CERS3: variants seen among roughly 807,000 people sequenced by gnomAD.
CERS3 encodes the protein LAG1 homolog, ceramide synthase 3.
Under a neutral mutation model 50.3 loss-of-function variants are expected in CERS3, and 33 were observed. The ratio of observed to expected loss-of-function variants is 0.66; its 90% CI spans 0.50 to 0.88. The LOEUF is 0.88. Ranked by LOEUF, CERS3 falls within the 40% of genes least tolerant of loss-of-function variation. CERS3 has a pLI of 0.00. For missense variants in CERS3, 470 were observed against 460.3 expected, an observed-to-expected ratio of 1.02 and a Z score of -0.19; for synonymous variants, 176 against 155.2, an observed-to-expected ratio of 1.13 and a Z score of -0.99.
intron 5 of CERS3, among the ~76,000 whole-genome samples, chr15:100,483,787 A>ATTATTATTATTATTTTTTTT (rs760594142): frequency 2.0e-5 from 2 of 100,040 alleles, no homozygotes; most frequent in Non-Finnish European, 3.8e-5. Flanking sequence ...TATTATTATT[A>ATTATTATTATTATTTTTTTT]TTTTTTTTTT....
intron 11 of CERS3, among the ~76,000 whole-genome samples, chr15:100,416,616 C>G (rs1011170922): frequency 6.6e-6 from 1 of 152,142 alleles, no homozygotes; most frequent in East Asian, 1.9e-4. Context: ...CTTCACATGG[C>G]AGCAGGAGAG....
rs1009193170 is a variant in CERS3, at chr15:100,503,831, C to T, written c.-1-1981G>A. 34 of 452,386 alleles carry T rather than the reference C, an allele frequency of 7.5e-5. No homozygotes were observed. In the Middle Eastern group the frequency reaches 1.5e-3, roughly 20 times the overall value. The allele number at this position is 452,386 out of a possible 1,614,324, so 28.0% of individuals were successfully genotyped here. On this transcript the variant is annotated intron_variant, in intron 2 of 11. Transcript: ENST00000679737. The stretch of plus-strand genomic sequence containing the variant: ...AAGGTTTGGCCAGAGCAGTGGGGAC[C>T]AGAGGGAATAACGCCATCTGTGGGA...
At chr15:100,446,364 G>GTT (rs11449303) in intron 11 of CERS3, among the ~76,000 whole-genome samples, 1,423 of 128,512 alleles carry the variant, frequency 0.011, 30 homozygotes, top group Middle Eastern at 0.016. Flanking sequence ...AACTTCTCAG[G>GTT]TTTTTTTTTT....
rs142006037 is a variant in CERS3 at position 100,415,986 on chromosome 15, G to A, written c.1000-13121C>T. On this transcript the variant is annotated intron_variant, in intron 11 of 11. Coordinates refer to ENST00000679737, the MANE Select transcript of CERS3 (RefSeq NM_001378789.1). ...AAAACACCACTGGAAAAAAATCACA[G>A]ATGACAAAAACAAATGGAAAAATGT... Among the ~76,000 whole-genome samples, 3 of 152,012 alleles carry A rather than the reference G, an allele frequency of 2.0e-5. No homozygotes were observed. The East Asian group carries it at 5.8e-4, about 29-fold the overall frequency.
At chr15:100,445,377 G>A (rs914661937) in intron 11 of CERS3, among the ~76,000 whole-genome samples, 4 of 151,520 alleles carry the variant, frequency 2.6e-5, no homozygotes, top group Admixed American at 6.6e-5. Flanking sequence ...TCCCCAAACC[G>A]CCACTCTTAA....
chr15:100,460,667 A>C (rs1360929054), intron 10 of CERS3, among the ~76,000 whole-genome samples: 1 of 152,162 alleles, frequency 6.6e-6, no homozygotes, highest in East Asian at 1.9e-4. Context: ...ACTAGCAGGC[A>C]AGCTTTCCAA....
At chr15:100,407,999 G>A (rs1456427804) in intron 11 of CERS3, among the ~76,000 whole-genome samples, 1 of 152,162 alleles carries the variant, frequency 6.6e-6, no homozygotes, top group African/African-American at 2.4e-5. Context: ...AGCCCCCTGA[G>A]TAGCTGGGAT....
chr15:100,479,433 T>A lies in CERS3; in HGVS notation c.511A>T (p.Lys171Ter), dbSNP rs1270729518. ...ATATGTTATAGTGGACTTACCTGTT[T>A]GGGATAGCCATTCCAAACCTCCCAT... ...DLWEVWNGYP[K>*]QPLLPSQYWY... is the part of the protein sequence containing the mutation. Residue 171 changes from lysine (K) to a stop codon, truncating the protein, a stop_gained, in exon 7 of 12, where the codon AAA becomes TAA. Transcript: ENST00000679737. LOFTEE classifies it high-confidence loss of function. 6.2e-7 allele frequency: 1 copy of A among 1,604,326 alleles called. No homozygotes were observed. The highest frequency in any genetic ancestry group is 1.3e-5 in the African/African-American group (1 of 74,232).
intron 7 of CERS3, among the ~76,000 whole-genome samples, chr15:100,478,722 T>C (rs1416095312): frequency 6.6e-6 from 1 of 152,038 alleles, no homozygotes; most frequent in Non-Finnish European, 1.5e-5. Context: ...AAATATCCTT[T>C]AAAAGTCAAA....
At chr15:100,477,884 A>G (rs1272700388) in intron 7 of CERS3, among the ~76,000 whole-genome samples, 1 of 152,218 alleles carries the variant, frequency 6.6e-6, no homozygotes, top group Non-Finnish European at 1.5e-5. Flanking sequence ...CAAAGACTGA[A>G]GTCTACCTTG....
chr15:100,444,913 G>A (rs140100485), intron 11 of CERS3, among the ~76,000 whole-genome samples: 4 of 152,166 alleles, frequency 2.6e-5, no homozygotes, highest in East Asian at 1.9e-4. Flanking sequence ...ATAGCAGACC[G>A]GCCTTTATTC....
At chr15:100,490,746 G>T in intron 4 of CERS3, 71 bp downstream of exon 4, 1 of 890,144 alleles carries the variant, frequency 1.1e-6, no homozygotes, top group Non-Finnish European at 1.9e-6. Context: ...GCACACACAA[G>T]GTAAGCTATA....
chr15:100,414,961 T>G (rs1350537276), intron 11 of CERS3, among the ~76,000 whole-genome samples: 3 of 152,110 alleles, frequency 2.0e-5, no homozygotes, highest in Non-Finnish European at 4.4e-5. Flanking sequence ...AAAGAGCTTC[T>G]GCACAGCAAA....
intron 11 of CERS3, among the ~76,000 whole-genome samples, chr15:100,413,773 G>A (rs368593086): frequency 9.5e-4 from 130 of 137,068 alleles, no homozygotes; most frequent in Middle Eastern, 3.7e-3. Flanking sequence ...AGAAATACAA[G>A]AAAAAAAAAA....
intron 1 of CERS3, among the ~76,000 whole-genome samples, chr15:100,534,977 C>A (rs117543856): frequency 0.013 from 2,053 of 152,146 alleles, 25 homozygotes; most frequent in Admixed American, 0.028. Context: ...CAAGTTGTTC[C>A]ACCTTTCCAG....
At chr15:100,482,347 G>GGAAT (rs1356959471) in intron 5 of CERS3, among the ~76,000 whole-genome samples, 4 of 152,164 alleles carry the variant, frequency 2.6e-5, no homozygotes, top group Non-Finnish European at 5.9e-5. Flanking sequence ...CAGCCAGGGA[G>GGAAT]GAATGGGCAG....
At chr15:100,535,675 T>C (rs1458081371) in intron 1 of CERS3, among the ~76,000 whole-genome samples, 1 of 151,402 alleles carries the variant, frequency 6.6e-6, no homozygotes, top group Non-Finnish European at 1.5e-5. Context: ...TATGCTCATA[T>C]GTAAGCACGA....
intron 11 of CERS3, among the ~76,000 whole-genome samples, chr15:100,441,262 T>A (rs2033670038): frequency 7.3e-6 from 1 of 136,402 alleles, no homozygotes; most frequent in African/African-American, 2.8e-5. Context: ...CTTATTTCCA[T>A]GCCCCAACCC....
intron 3 of CERS3, among the ~76,000 whole-genome samples, chr15:100,498,190 G>A (rs1354153789): frequency 2.0e-5 from 3 of 151,800 alleles, no homozygotes; most frequent in Non-Finnish European, 2.9e-5. Flanking sequence ...CACCGCGCCC[G>A]GCCAAAAAAT....
Sources: gnomAD v4.1 joint callset for allele counts (sites outside exome capture counted in the v4.1 genomes callset) on GRCh38, gnomAD v4.1.1 for gene constraint, MANE v1.5 for transcripts, NCBI Gene and HGNC (gene_info 2026-07-23, HGNC 2026-07-21) for gene names.